Variants in MAF observed in about 807,000 individuals in gnomAD.
The protein encoded by MAF is MAF bZIP transcription factor, also known as transcription factor Maf.
In MAF, 10 loss-of-function variants were observed where a neutral mutation model predicts 22.0. The observed-to-expected ratio is 0.45, with a 90% CI of 0.28 to 0.77. MAF has a LOEUF of 0.77. MAF is among the 30% of genes least tolerant of loss of function. MAF has a pLI of 0.12. For missense variants in MAF, 544 were observed against 548.4 expected, an observed-to-expected ratio of 0.99 and a Z score of 0.08; for synonymous variants, 337 against 255.8, an observed-to-expected ratio of 1.32 and a Z score of -3.03.
chr16:79,551,181 C>A, the MAF span, among the ~76,000 whole-genome samples: 1 of 152,212 alleles, frequency 6.6e-6, no homozygotes, highest in Admixed American at 6.5e-5. Flanking sequence ...GAAGGGACAA[C>A]CTTAAAGGTG....
chr16:79,556,348 C>A, the MAF span, among the ~76,000 whole-genome samples: 1 of 152,218 alleles, frequency 6.6e-6, no homozygotes. Context: ...TTAGCTCAAG[C>A]TCCCTCCTCA....
chr16:79,285,790 C>A, the MAF span, among the ~76,000 whole-genome samples: 140,729 of 152,196 alleles, frequency 0.92, 65,091 homozygotes, highest in East Asian at 1. Context: ...ACTTCCCCAA[C>A]GTGACCAGCG....
At chr16:79,363,087 G>T in the MAF span, among the ~76,000 whole-genome samples, 30 of 152,146 alleles carry the variant, frequency 2.0e-4, no homozygotes, top group East Asian at 5.2e-3. Flanking sequence ...GGGGGAACAT[G>T]CAGGGAAGAA....
At chr16:79,524,944 A>G in the MAF span, among the ~76,000 whole-genome samples, 6 of 152,212 alleles carry the variant, frequency 3.9e-5, no homozygotes, top group African/African-American at 1.2e-4. Flanking sequence ...TGCTTTAAGT[A>G]GAGCAGCATT....
At chr16:79,478,235 T>C in the MAF span, among the ~76,000 whole-genome samples, 2 of 152,200 alleles carry the variant, frequency 1.3e-5, no homozygotes, top group Non-Finnish European at 2.9e-5. Context: ...CAGTTAGCCT[T>C]GAGCGAGGCC....
At chr16:79,318,998 C>T in the MAF span, among the ~76,000 whole-genome samples, 2 of 152,186 alleles carry the variant, frequency 1.3e-5, no homozygotes, top group South Asian at 2.1e-4. Flanking sequence ...ATAGCATTTC[C>T]TTTGCAACTA....
the MAF span, among the ~76,000 whole-genome samples, chr16:79,210,049 T>C: frequency 2.6e-5 from 4 of 152,306 alleles, no homozygotes; most frequent in African/African-American, 4.8e-5. Context: ...ATGTCAGTTA[T>C]TCAAATTCAG....
the MAF span, among the ~76,000 whole-genome samples, chr16:79,421,078 T>C: frequency 2.6e-5 from 4 of 151,988 alleles, no homozygotes; most frequent in African/African-American, 9.7e-5. Flanking sequence ...TATTACAATA[T>C]ATTAATATAA....
At chr16:79,388,484 C>T in the MAF span, among the ~76,000 whole-genome samples, 6 of 152,262 alleles carry the variant, frequency 3.9e-5, no homozygotes, top group East Asian at 1.2e-3. Context: ...GGAGGTCATT[C>T]TTTGCTATTT....
chr16:79,599,923 C>T lies in MAF; in HGVS notation c.-21G>A, dbSNP rs1238589804. 32 of 1,589,854 alleles carry T rather than the reference C, an allele frequency of 2.0e-5. No homozygotes were observed. Among genetic ancestry groups the T allele is most frequent in the Non-Finnish European group, 2.6e-5 (31 of 1,172,854 alleles). On this transcript the variant is annotated 5_prime_UTR_variant, in exon 1 of 2. Transcript: ENST00000326043. ...GCCATTCTCCTGCCGCCGCCGCCGC[C>T]GCCGCCGCCGCTCCGCCAGATGGGC... is the stretch of plus-strand genomic sequence containing the variant.
the MAF span, among the ~76,000 whole-genome samples, chr16:79,328,338 A>C: frequency 6.6e-6 from 1 of 152,124 alleles, no homozygotes; most frequent in African/African-American, 2.4e-5. Flanking sequence ...GAGACAAGGA[A>C]ATGCAACTTG....
chr16:79,390,391 A>G, the MAF span, among the ~76,000 whole-genome samples: 1 of 152,182 alleles, frequency 6.6e-6, no homozygotes, highest in Non-Finnish European at 1.5e-5. Context: ...CCACTTTAAT[A>G]GCTCTGGCTG....
At chr16:79,529,913 A>G in the MAF span, among the ~76,000 whole-genome samples, 53 of 125,188 alleles carry the variant, frequency 4.2e-4, 2 homozygotes, top group East Asian at 0.012. Flanking sequence ...GTGATCCGAG[A>G]CTACACTACT....
At chr16:79,324,969 T>C in the MAF span, among the ~76,000 whole-genome samples, 9 of 152,186 alleles carry the variant, frequency 5.9e-5, no homozygotes, top group African/African-American at 1.9e-4. Context: ...CTGTGGCTTA[T>C]AGACACGTGC....
At chr16:79,266,681 G>T in the MAF span, among the ~76,000 whole-genome samples, 8 of 152,168 alleles carry the variant, frequency 5.3e-5, no homozygotes. Flanking sequence ...ACATGAGGGA[G>T]AGTAGGGTAG....
chr16:79,252,778 C>T, the MAF span, among the ~76,000 whole-genome samples: 1 of 152,130 alleles, frequency 6.6e-6, no homozygotes, highest in Non-Finnish European at 1.5e-5. Context: ...GTGTGAGTCA[C>T]CGTGCCCGGC....
intron 1 of MAF, chr16:79,598,581 G>GGTGGGT: frequency 1.4e-6 from 2 of 1,409,630 alleles, no homozygotes; most frequent in Non-Finnish European, 1.9e-6. Context: ...CAGGGTGTGG[G>GGTGGGT]GTGTGTGTGT....
the MAF span, among the ~76,000 whole-genome samples, chr16:79,482,852 TC>T: frequency 4.3e-5 from 1 of 23,172 alleles, no homozygotes; most frequent in African/African-American, 1.8e-4. Context: ...TCCCCTCCCC[TC>T]CCCTCCCTCC....
chr16:79,279,483 G>C, the MAF span, among the ~76,000 whole-genome samples: 1 of 152,218 alleles, frequency 6.6e-6, no homozygotes, highest in Non-Finnish European at 1.5e-5. Context: ...TGGGGAATGG[G>C]ACCTGGGGAA....
Sources: gnomAD v4.1 joint callset for allele counts (sites outside exome capture counted in the v4.1 genomes callset) on GRCh38, gnomAD v4.1.1 for gene constraint, MANE v1.5 for transcripts, NCBI Gene and HGNC (gene_info 2026-07-23, HGNC 2026-07-21) for gene names.